The following EIPR1 variants were observed in gnomAD, a reference collection of about 807,000 sequenced individuals.
EIPR1 encodes the protein EARP and GARP complex-interacting protein 1.
EIPR1 carries 25 observed loss-of-function variants against 48.1 expected under a neutral mutation model. The observed-to-expected ratio is 0.52, with a 90% CI of 0.38 to 0.73. The LOEUF is 0.73. EIPR1 is among the 30% of genes least tolerant of loss of function. The probability of loss-of-function intolerance (pLI) is 0.00; values close to 1 mark genes in which losing one functional copy is unlikely to be tolerated. For synonymous variants in EIPR1, 204 were observed against 201.9 expected (o/e 1.01, Z -0.09); for missense variants, 415 against 506.2 (o/e 0.82, Z 1.73).
At chr2:3,215,277 C>A (rs973566803) in intron 4 of EIPR1, among the ~76,000 whole-genome samples, 2 of 152,134 alleles carry the variant, frequency 1.3e-5, no homozygotes, top group Admixed American at 6.5e-5. Context: ...GCACAGGATG[C>A]CCACATCCTT....
At chr2:3,262,610 C>CT (rs1338302227) in intron 3 of EIPR1, among the ~76,000 whole-genome samples, 2 of 152,200 alleles carry the variant, frequency 1.3e-5, no homozygotes, top group African/African-American at 4.8e-5. Context: ...CTGGGGACGC[C>CT]TAGTAGACCT....
intron 3 of EIPR1, among the ~76,000 whole-genome samples, chr2:3,260,512 AGGG>A (rs1558257685): frequency 2.1e-4 from 25 of 116,580 alleles, no homozygotes; most frequent in Admixed American, 3.6e-4. Flanking sequence ...GAAGGAAGGG[AGGG>A]AGGGAGGGAG....
At chr2:3,356,566 A>C (rs1272798871) in intron 1 of EIPR1, among the ~76,000 whole-genome samples, 1 of 152,176 alleles carries the variant, frequency 6.6e-6, no homozygotes, top group African/African-American at 2.4e-5. Flanking sequence ...TGGCCAGCAT[A>C]ATAATGGCCC....
chr2:3,224,456 A>G (rs554404011), intron 4 of EIPR1, among the ~76,000 whole-genome samples: 2 of 152,344 alleles, frequency 1.3e-5, no homozygotes, highest in South Asian at 4.1e-4. Flanking sequence ...CCATCCAACC[A>G]GCCCTGATTG....
chr2:3,318,721 C>G (rs1474797566), intron 3 of EIPR1: 1 of 392,904 alleles, frequency 2.5e-6, no homozygotes, highest in Non-Finnish European at 5.3e-6. Context: ...TCTGTCCCGG[C>G]AATCAGAGTT....
In EIPR1 at chr2:3,361,723, C is replaced by T. The variant is rs1274759952; in HGVS notation, c.43-7090G>A. Among the ~76,000 whole-genome samples, 3 of 152,112 alleles carry T rather than the reference C, an allele frequency of 2.0e-5. No homozygotes were observed. In the East Asian group the frequency reaches 5.9e-4, roughly 30 times the overall value. On this transcript the variant is annotated intron_variant, in intron 1 of 8. Transcript: ENST00000382125. The stretch of plus-strand genomic sequence containing the variant: ...CTGCCCTTGGACTCCCTCACACGGG[C>T]ACCTCCACCCTCTGACCCTGCCCAA...
chr2:3,336,901 AAAGGG>A (rs1193096298), intron 3 of EIPR1, among the ~76,000 whole-genome samples: 1 of 63,596 alleles, frequency 1.6e-5, no homozygotes, highest in Non-Finnish European at 3.5e-5. Context: ...AGGGAAGGGA[AAAGGG>A]AAGGGAAGGG....
chr2:3,364,591 T>C (rs1392525302), intron 1 of EIPR1, among the ~76,000 whole-genome samples: 2 of 150,996 alleles, frequency 1.3e-5, no homozygotes, highest in African/African-American at 4.9e-5. Flanking sequence ...GCCGAGATTG[T>C]ACCACTGCAC....
chr2:3,307,966 A>G (rs1668998261), intron 3 of EIPR1, among the ~76,000 whole-genome samples: 1 of 152,088 alleles, frequency 6.6e-6, no homozygotes, highest in African/African-American at 2.4e-5. Context: ...ATGTACCTCT[A>G]TGCTATATCA....
chr2:3,366,167 G>T (rs1572489019), intron 1 of EIPR1, among the ~76,000 whole-genome samples: 1 of 152,202 alleles, frequency 6.6e-6, no homozygotes. Context: ...AATTAGCTGG[G>T]TATGGTGGCA....
chr2:3,295,342 A>C (rs1572407502), intron 3 of EIPR1, among the ~76,000 whole-genome samples: 2 of 87,180 alleles, frequency 2.3e-5, no homozygotes, highest in East Asian at 3.7e-4. Context: ...ACACACACAC[A>C]CCTTCCATCC....
chr2:3,308,035 C>G (rs1053552899), intron 3 of EIPR1, among the ~76,000 whole-genome samples: 2 of 152,204 alleles, frequency 1.3e-5, no homozygotes, highest in African/African-American at 4.8e-5. Flanking sequence ...AACAGAGCCA[C>G]ACCAGCCCCA....
intron 5 of EIPR1, among the ~76,000 whole-genome samples, chr2:3,199,551 G>A (rs1243350295): frequency 6.6e-6 from 1 of 152,250 alleles, no homozygotes; most frequent in Non-Finnish European, 1.5e-5. Context: ...AAGAGGTCAA[G>A]AGAAGGTGGG....
chr2:3,192,032 C>T (rs931574493), intron 8 of EIPR1, among the ~76,000 whole-genome samples: 1 of 152,184 alleles, frequency 6.6e-6, no homozygotes, highest in Non-Finnish European at 1.5e-5. Flanking sequence ...CAAATCCACG[C>T]CAGTGAAGAC....
intron 3 of EIPR1, among the ~76,000 whole-genome samples, chr2:3,311,800 G>T (rs1223293512): frequency 6.6e-6 from 1 of 151,772 alleles, no homozygotes; most frequent in African/African-American, 2.4e-5. Flanking sequence ...CCATTCGCGG[G>T]GTGCTGGGCG....
At chr2:3,223,672 A>G (rs10209916) in intron 4 of EIPR1, among the ~76,000 whole-genome samples, 146,765 of 152,256 alleles carry the variant, frequency 0.96, 70,961 homozygotes, top group East Asian at 1. Flanking sequence ...GAATCAATTC[A>G]CAAGGGGCTG....
At position 3,189,895 on chromosome 2, in the gene EIPR1, C is replaced by G. The variant is rs920940342; in HGVS notation, c.990-387G>C. On this transcript the variant is annotated intron_variant, in intron 8 of 8. Transcript: ENST00000382125. This position sits in a 1 kb window ranked among gnomAD's most constrained non-coding sequence, Gnocchi z 4.6. Reference sequence around the variant, plus strand: ...GGAAGTAGTCACCGTGTCTGGGTAACACAGGATGTAAACGCCCCTATTGCT... The same window carrying G: ...GGAAGTAGTCACCGTGTCTGGGTAAGACAGGATGTAAACGCCCCTATTGCT... Among the ~76,000 whole-genome samples, 2 of 152,120 alleles carry G rather than the reference C, an allele frequency of 1.3e-5. No individual in the cohort carries two copies. Among genetic ancestry groups the G allele is most frequent in the Non-Finnish European group, 2.9e-5 (2 of 68,018 alleles).
rs374867077 is a variant in EIPR1, at chr2:3,295,001, A to C, written c.260-37546T>G. Among the ~76,000 whole-genome samples, 24 of 51,014 alleles carry C rather than the reference A, an allele frequency of 4.7e-4. 1 individual carries two copies. Among genetic ancestry groups the C allele is most frequent in the African/African-American group, 1.5e-3 (19 of 12,672 alleles). 33.5% of individuals were successfully genotyped at this position (51,014 alleles called of 152,430 possible). On this transcript the variant is annotated intron_variant, in intron 3 of 8. Transcript: ENST00000382125. ...ATCCTCTCTACACACACACACACAC[A>C]CCCTCCATCCAGCCCATACTCTCTG...
chr2:3,347,983 A>C (rs1670453783), intron 2 of EIPR1, among the ~76,000 whole-genome samples: 2 of 152,214 alleles, frequency 1.3e-5, no homozygotes, highest in Non-Finnish European at 2.9e-5. Flanking sequence ...ATCAAGGCTC[A>C]GTTAGCCTAG....
Sources: allele counts gnomAD v4.1 joint callset (sites outside exome capture counted in the v4.1 genomes callset), GRCh38; gene constraint gnomAD v4.1.1; non-coding constraint Gnocchi (gnomAD v3.1); transcripts MANE v1.5; gene names NCBI Gene and HGNC (gene_info 2026-07-23, HGNC 2026-07-21).